The following CDK14 variants were observed in gnomAD, a reference collection of about 807,000 sequenced individuals.
CDK14 encodes cyclin dependent kinase 14.
In CDK14, 34 loss-of-function variants were observed where a neutral mutation model predicts 60.7. The ratio of observed to expected loss-of-function variants is 0.56; its 90% CI spans 0.43 to 0.75. CDK14 has a LOEUF of 0.75. CDK14 is among the 30% of genes least tolerant of loss of function. The probability of loss-of-function intolerance (pLI) is 0.00; values close to 1 mark genes in which losing one functional copy is unlikely to be tolerated. For synonymous variants in CDK14, 197 were observed against 203.7 expected (o/e 0.97, Z 0.28); for missense variants, 482 against 564.1 (o/e 0.85, Z 1.47).
intron 10 of CDK14, among the ~76,000 whole-genome samples, chr7:90,996,018 T>C (rs924300611): frequency 6.6e-6 from 1 of 152,348 alleles, no homozygotes; most frequent in Non-Finnish European, 1.5e-5. Flanking sequence ...GTGGACATTC[T>C]ATCTGGAATG....
chr7:90,795,530 G>A (rs1041284214), intron 5 of CDK14, among the ~76,000 whole-genome samples: 5 of 151,274 alleles, frequency 3.3e-5, no homozygotes, highest in Admixed American at 1.3e-4. Context: ...TGTTATATAT[G>A]AATTCCATTT....
intron 4 of CDK14, among the ~76,000 whole-genome samples, chr7:90,760,388 G>C (rs1804266293): frequency 6.6e-6 from 1 of 152,186 alleles, no homozygotes; most frequent in South Asian, 2.1e-4. Flanking sequence ...GTAATCCCCA[G>C]ATGGAAAACA....
chr7:91,201,771 G>C (rs1289936960), intron 14 of CDK14, among the ~76,000 whole-genome samples: 1 of 152,068 alleles, frequency 6.6e-6, no homozygotes, highest in African/African-American at 2.4e-5. Context: ...TTTTAATTTG[G>C]GTCTGTTTGC....
chr7:90,772,943 C>T (rs1285231515), intron 4 of CDK14, among the ~76,000 whole-genome samples: 1 of 152,068 alleles, frequency 6.6e-6, no homozygotes, highest in Non-Finnish European at 1.5e-5. Flanking sequence ...AAGAATTTAA[C>T]TCTGAATAGT....
intron 2 of CDK14, among the ~76,000 whole-genome samples, chr7:90,611,919 A>C (rs184931935): frequency 5.1e-4 from 70 of 137,314 alleles, no homozygotes; most frequent in Admixed American, 3.1e-3. Flanking sequence ...TGCAACCTCC[A>C]CCTCCAGGGT....
At chr7:91,149,634 C>T (rs1405901360) in intron 14 of CDK14, among the ~76,000 whole-genome samples, 1 of 152,186 alleles carries the variant, frequency 6.6e-6, no homozygotes, top group Non-Finnish European at 1.5e-5. Flanking sequence ...ATATCTGTCT[C>T]TACAGTTCTC....
At chr7:90,643,186 G>A (rs1800380789) in intron 2 of CDK14, among the ~76,000 whole-genome samples, 1 of 152,204 alleles carries the variant, frequency 6.6e-6, no homozygotes, top group Non-Finnish European at 1.5e-5. Flanking sequence ...GGCATTCCTG[G>A]TGCAATTACA....
Position 90,866,725 on chromosome 7 carries a change from G to A in CDK14, c.639+3456G>A, listed in dbSNP as rs528496213. The stretch of plus-strand genomic sequence containing the variant: ...GTTGCTTTATATTGTTGCCATGAAT[G>A]ACATTTTAGGTTTTATAAAAGCCTT... On this transcript the variant is annotated intron_variant, in intron 6 of 14. Coordinates refer to ENST00000380050, the MANE Select transcript of CDK14 (RefSeq NM_001287135.2). 2.6e-5 allele frequency among the ~76,000 whole-genome samples: 4 copies of A among 152,182 alleles called. No individual in the cohort carries two copies. In the East Asian group the frequency reaches 5.8e-4, roughly 22 times the overall value.
chr7:90,692,712 TA>T, intron 2 of CDK14: 1 of 928,496 alleles, frequency 1.1e-6, no homozygotes, highest in Non-Finnish European at 1.3e-6. Context: ...ATTATATATA[TA>T]ATTTATTTCC....
rs138187504 is a variant in CDK14, at chr7:91,078,177, G to GAC, written c.1106-1253_1106-1252dup. ...AAATGAAAGCATCTGTAGGTAGAGA[G>GAC]ACATGTACAAGGATATTTGCTGAAG... is the stretch of plus-strand genomic sequence containing the variant. On this transcript the variant is annotated intron_variant, in intron 11 of 14. Transcript: ENST00000380050. Among the ~76,000 whole-genome samples the GAC allele has an allele frequency of 6.8e-3, 1,030 of 152,294 alleles. 10 individuals carry two copies. The highest frequency in any genetic ancestry group is 0.024 in the African/African-American group (983 of 41,552).
At position 90,942,809 on chromosome 7, in the gene CDK14, G is replaced by C. The variant is rs148639391; in HGVS notation, c.827-12888G>C. On this transcript the variant is annotated intron_variant, in intron 8 of 14. Transcript: ENST00000380050. ...CAGGTTAATTTCACTGCTTGCCCCA[G>C]AACAGTGGGTAGGGACTTGCTTTAT... Among the ~76,000 whole-genome samples, 36 of 152,306 alleles carry C rather than the reference G, an allele frequency of 2.4e-4. 1 individual carries two copies. The East Asian group carries it at 6.8e-3, about 29-fold the overall frequency.
intron 5 of CDK14, among the ~76,000 whole-genome samples, chr7:90,802,209 A>G (rs1788665459): frequency 6.6e-6 from 1 of 152,240 alleles, no homozygotes; most frequent in African/African-American, 2.4e-5. Flanking sequence ...TTTCAGTGAA[A>G]CATTATGTTA....
intron 14 of CDK14, among the ~76,000 whole-genome samples, chr7:91,203,775 G>A (rs1802797695): frequency 6.6e-6 from 1 of 152,202 alleles, no homozygotes; most frequent in Admixed American, 6.5e-5. Flanking sequence ...AAGGCTGATA[G>A]TGGGGTTGAG....
chr7:90,968,989 A>G (rs1441841684), intron 9 of CDK14, among the ~76,000 whole-genome samples: 2 of 152,306 alleles, frequency 1.3e-5, no homozygotes, highest in East Asian at 3.9e-4. Flanking sequence ...AGCACCCACT[A>G]GCGCTACTGC....
intron 5 of CDK14, among the ~76,000 whole-genome samples, chr7:90,816,427 C>T (rs779461514): frequency 6.6e-5 from 10 of 152,118 alleles, no homozygotes; most frequent in South Asian, 4.1e-4. Flanking sequence ...TTGTTCTGTG[C>T]GGTGTCAGTT....
At chr7:90,668,696 A>ATTAT (rs1554431005) in intron 2 of CDK14, among the ~76,000 whole-genome samples, 26 of 68,426 alleles carry the variant, frequency 3.8e-4, no homozygotes, top group Admixed American at 6.4e-4. Context: ...AAGGACTCGC[A>ATTAT]TTCTTTTTTT....
intron 14 of CDK14, among the ~76,000 whole-genome samples, chr7:91,123,558 C>A (rs1380907366): frequency 1.3e-5 from 2 of 152,220 alleles, no homozygotes; most frequent in East Asian, 1.9e-4. Flanking sequence ...TTATGAATAT[C>A]CAAATGAGAA....
chr7:90,797,932 GA>G (rs1788497982), intron 5 of CDK14, among the ~76,000 whole-genome samples: 1 of 151,930 alleles, frequency 6.6e-6, no homozygotes, highest in South Asian at 2.1e-4. Flanking sequence ...TTCAACATGA[GA>G]TTTAGGTGAG....
At chr7:91,205,390 A>G (rs1460219205) in intron 14 of CDK14, among the ~76,000 whole-genome samples, 1 of 152,236 alleles carries the variant, frequency 6.6e-6, no homozygotes, top group Non-Finnish European at 1.5e-5. Context: ...ATGCTACAAC[A>G]TGGATGAACT....
Sources: gnomAD v4.1 joint callset for allele counts (sites outside exome capture counted in the v4.1 genomes callset) on GRCh38, gnomAD v4.1.1 for gene constraint, MANE v1.5 for transcripts, NCBI Gene and HGNC (gene_info 2026-07-23, HGNC 2026-07-21) for gene names.